LRBA: variants seen among roughly 807,000 people sequenced by gnomAD.
The protein encoded by LRBA is lipopolysaccharide-responsive and beige-like anchor protein.
A neutral mutation model predicts 330.0 loss-of-function variants in LRBA; 176 were observed. That is an observed-to-expected ratio of 0.53 (90% CI 0.47 to 0.60). LRBA has a LOEUF of 0.60. LRBA is among the 20% of genes least tolerant of loss of function. The pLI is 0.00. For synonymous variants in LRBA, 1,230 were observed against 1,193.0 expected (o/e 1.03, Z -0.64); for missense variants, 3,259 against 3,444.8 (o/e 0.95, Z 1.35).
chr4:150,537,179 C>T (rs979462534), intron 40 of LRBA, among the ~76,000 whole-genome samples: 4 of 152,126 alleles, frequency 2.6e-5, no homozygotes, highest in African/African-American at 9.7e-5. Flanking sequence ...TAAAGCTGCA[C>T]ACCTACAACA....
At chr4:150,816,582 G>A (rs1744625480) in intron 31 of LRBA, among the ~76,000 whole-genome samples, 1 of 151,838 alleles carries the variant, frequency 6.6e-6, no homozygotes, top group South Asian at 2.1e-4. Context: ...AAGTGCTATA[G>A]GAGGAAATGA....
chr4:150,893,366 G>C (rs536479522), intron 16 of LRBA, among the ~76,000 whole-genome samples: 1 of 150,286 alleles, frequency 6.7e-6, no homozygotes, highest in East Asian at 1.9e-4. Flanking sequence ...TTTTTTGTGC[G>C]GGGGGGCAGA....
intron 30 of LRBA, among the ~76,000 whole-genome samples, chr4:150,817,972 C>G (rs1744848122): frequency 6.6e-6 from 1 of 152,046 alleles, no homozygotes; most frequent in African/African-American, 2.4e-5. Flanking sequence ...GTAAAGAGGA[C>G]AGCTGATATA....
intron 40 of LRBA, among the ~76,000 whole-genome samples, chr4:150,508,880 A>G (rs753690742): frequency 6.6e-6 from 1 of 152,236 alleles, no homozygotes; most frequent in Non-Finnish European, 1.5e-5. Context: ...ACTGACATTT[A>G]TAGAACAGTC....
chr4:150,850,142 G>A lies in LRBA; in HGVS notation c.4005-567C>T, dbSNP rs574977062. On this transcript the variant is annotated intron_variant, in intron 24 of 56. Coordinates refer to ENST00000651943, the MANE Select transcript of LRBA (RefSeq NM_001364905.1). ...AGAGTCTCGCTCTGTCGCCCAGGCC[G>A]GAGTGCAGTGGCGTGGTCTCAGCTC... 4.8e-4 allele frequency among the ~76,000 whole-genome samples: 72 copies of A among 149,766 alleles called. No individual in the cohort carries two copies. In the South Asian group the frequency reaches 0.013, roughly 28 times the overall value.
At chr4:150,954,245 C>G (rs886311753) in intron 2 of LRBA, among the ~76,000 whole-genome samples, 13 of 151,856 alleles carry the variant, frequency 8.6e-5, no homozygotes, top group African/African-American at 2.7e-4. Context: ...CTCTGCCCGG[C>G]CGCCACCCCG....
At chr4:150,658,146 T>C (rs1049720433) in intron 37 of LRBA, among the ~76,000 whole-genome samples, 4 of 151,208 alleles carry the variant, frequency 2.6e-5, no homozygotes, top group Admixed American at 1.3e-4. Flanking sequence ...ACTCCACAGA[T>C]ATTGTGCTCT....
intron 2 of LRBA, among the ~76,000 whole-genome samples, chr4:150,940,216 C>T (rs763639957): frequency 1.8e-4 from 26 of 144,092 alleles, no homozygotes; most frequent in Non-Finnish European, 3.1e-4. Context: ...CCAGGCTGGG[C>T]AACATAGCAA....
chr4:150,991,639 G>T (rs561694296), intron 2 of LRBA, among the ~76,000 whole-genome samples: 1 of 152,288 alleles, frequency 6.6e-6, no homozygotes, highest in African/African-American at 2.4e-5. Context: ...TTAGATCAGT[G>T]GTTGCCAGGG....
Position 150,578,222 on chromosome 4 carries a change from GTAT to G in LRBA, c.6330+9823_6330+9825del, listed in dbSNP as rs561998826. On this transcript the variant is annotated intron_variant, in intron 40 of 56. Coordinates refer to ENST00000651943, the MANE Select transcript of LRBA (RefSeq NM_001364905.1). ...AGGACATGTTGATAAATCTAATACT[GTAT>G]TATTATCTTAGAATAAAACATTGTA... is the stretch of plus-strand genomic sequence containing the variant. 1.6e-3 allele frequency among the ~76,000 whole-genome samples: 244 copies of G among 152,220 alleles called. 1 individual carries two copies. Among genetic ancestry groups the G allele is most frequent in the African/African-American group, 5.3e-3 (221 of 41,520 alleles).
Position 150,806,393 on chromosome 4 carries a change from C to T in LRBA, c.5396G>A (p.Arg1799Lys). The T allele has an allele frequency of 6.2e-7, 1 of 1,607,156 alleles. No homozygotes were observed. The highest frequency in any genetic ancestry group is 1.1e-5 in the South Asian group (1 of 89,692). ...TGCCTTTTCCAAAGCGTGTTCAAGC[C>T]TCTCTGTAATACTAAGGAAAAGACA... ...DPVSNMSITE[R>K]LEHALEKAAP... Residue 1799 changes from arginine (R) to lysine (K), a missense_variant, in exon 33 of 57, where the codon AGG becomes AAG. Physicochemically the swap from Arg to Lys is conservative, Grantham distance 26. Transcript: ENST00000651943.
intron 2 of LRBA, among the ~76,000 whole-genome samples, chr4:150,981,749 A>G (rs1179812938): frequency 6.6e-6 from 1 of 152,116 alleles, no homozygotes; most frequent in Non-Finnish European, 1.5e-5. Context: ...TCACGAGGTC[A>G]GGAGATCAAG....
At chr4:150,641,840 T>C (rs761245904) in intron 37 of LRBA, among the ~76,000 whole-genome samples, 1 of 152,116 alleles carries the variant, frequency 6.6e-6, no homozygotes, top group South Asian at 2.1e-4. Flanking sequence ...ATTTATCAGA[T>C]CAAGCAAATC....
intron 47 of LRBA, among the ~76,000 whole-genome samples, chr4:150,401,364 G>A (rs1745442377): frequency 2.0e-5 from 3 of 152,138 alleles, no homozygotes; most frequent in African/African-American, 7.2e-5. Flanking sequence ...TAAGTAAAAT[G>A]ACACATAAGG....
At chr4:150,315,869 C>G (rs1035854100) in intron 50 of LRBA, among the ~76,000 whole-genome samples, 5 of 152,160 alleles carry the variant, frequency 3.3e-5, no homozygotes, top group Non-Finnish European at 7.4e-5. Flanking sequence ...TAAGCTATAG[C>G]AGATGCTTGA....
chr4:150,484,837 T>C (rs1757688957), intron 42 of LRBA, among the ~76,000 whole-genome samples: 1 of 151,936 alleles, frequency 6.6e-6, no homozygotes, highest in Admixed American at 6.6e-5. Context: ...AACATTTCTA[T>C]AGGTTGTGCT....
chr4:150,723,842 C>T (rs1488589996), intron 36 of LRBA, among the ~76,000 whole-genome samples: 3 of 152,098 alleles, frequency 2.0e-5, no homozygotes, highest in African/African-American at 7.2e-5. Flanking sequence ...ACCTAAAGAG[C>T]GAGTCTCAGG....
At chr4:150,351,744 T>C (rs1389276365) in intron 47 of LRBA, among the ~76,000 whole-genome samples, 1 of 151,948 alleles carries the variant, frequency 6.6e-6, no homozygotes, top group African/African-American at 2.4e-5. Flanking sequence ...TCCACAGGGG[T>C]ATGTTCTTCG....
At chr4:150,478,929 T>C (rs556019957) in intron 42 of LRBA, among the ~76,000 whole-genome samples, 72 of 152,318 alleles carry the variant, frequency 4.7e-4, no homozygotes, top group African/African-American at 1.6e-3. Context: ...TTCTATCTTG[T>C]ACATGGCTGA....
Sources: allele counts gnomAD v4.1 joint callset (sites outside exome capture counted in the v4.1 genomes callset), GRCh38; gene constraint gnomAD v4.1.1; transcripts MANE v1.5; gene names NCBI Gene and HGNC (gene_info 2026-07-23, HGNC 2026-07-21).